The following SHPRH variants were observed in gnomAD, a reference collection of about 807,000 sequenced individuals.
The protein encoded by SHPRH is E3 ubiquitin-protein ligase SHPRH.
A neutral mutation model predicts 202.5 loss-of-function variants in SHPRH; 106 were observed. That is an observed-to-expected ratio of 0.52 (90% confidence interval 0.45 to 0.62). The LOEUF (loss-of-function observed/expected upper bound fraction) is 0.62. Among genes scored for constraint, SHPRH ranks in the 20% least tolerant of loss-of-function variants. The pLI is 0.00. For synonymous variants in SHPRH, 729 were observed against 686.0 expected, an observed-to-expected ratio of 1.06 and a Z score of -0.98; for missense variants, 1,710 against 2,020.0, an observed-to-expected ratio of 0.85 and a Z score of 2.94.
rs747973532 is a variant in SHPRH at position 145,943,379 on chromosome 6, G to C, written c.2002C>G (p.Gln668Glu). The change falls in exon 9 of 30, where the codon CAG (glutamine) becomes GAG (glutamate). Residue 668 changes from glutamine to glutamate, a missense_variant. Physicochemically the swap from Gln to Glu is conservative, Grantham distance 29 (BLOSUM62 2). Around this residue, in one of 8 missense-constraint regions of SHPRH, gnomAD observed 348 missense variants for 356.9 expected, o/e 0.97. Coordinates refer to ENST00000275233, the MANE Select transcript of SHPRH (RefSeq NM_001042683.3). ...RFECICGELD[Q>E]IDRKPRVQCL... Reference sequence around the variant, plus strand: ...TGAACACGAGGCTTACGATCTATCTGATCAAGTTCACCACATATACACTCA... The same window carrying C: ...TGAACACGAGGCTTACGATCTATCTCATCAAGTTCACCACATATACACTCA... The C allele has an allele frequency of 1.9e-6, 3 of 1,614,024 alleles. No individual in the cohort carries two copies. The highest frequency in any genetic ancestry group is 1.1e-5 in the South Asian group (1 of 91,080).
chr6:145,898,565 TG>T (rs1158354050), intron 25 of SHPRH, among the ~76,000 whole-genome samples: 1 of 152,076 alleles, frequency 6.6e-6, no homozygotes, highest in Non-Finnish European at 1.5e-5. Flanking sequence ...TTCTGAGTCA[TG>T]GGGGTGGATC....
chr6:145,921,457 T>C (rs1485649938), intron 20 of SHPRH, 65 bp from the exon 21 acceptor site: 15 of 1,449,876 alleles, frequency 1.0e-5, no homozygotes, highest in Non-Finnish European at 1.4e-5. Context: ...ACCTTCAATG[T>C]GAGTTCTAAA....
chr6:145,959,706 A>G (rs1788894292), intron 1 of SHPRH, among the ~76,000 whole-genome samples: 2 of 152,366 alleles, frequency 1.3e-5, no homozygotes, highest in African/African-American at 4.8e-5. Flanking sequence ...GAGCATTCAC[A>G]TAATTGCAAA....
At chr6:145,882,091 C>CAAAA (rs767137504), downstream of SHPRH, among the ~76,000 whole-genome samples, 7 of 106,848 alleles carry the variant, frequency 6.6e-5, no homozygotes, top group African/African-American at 2.5e-4. Context: ...GACTGTGTCT[C>CAAAA]AAAAAAAAAA....
At chr6:145,861,795 A>C (rs974301359), downstream of SHPRH, among the ~76,000 whole-genome samples, 1 of 152,216 alleles carries the variant, frequency 6.6e-6, no homozygotes, top group African/African-American at 2.4e-5. Context: ...GTAGACACAC[A>C]CACATACACA....
chr6:145,886,135 T>G lies in SHPRH; in HGVS notation c.*556A>C. 1 of 218,056 alleles carries G rather than the reference T, an allele frequency of 4.6e-6. No homozygotes were observed. The highest frequency in any genetic ancestry group is 1.7e-3 in the Middle Eastern group (1 of 604). The allele number at this position is 218,056 out of a possible 1,614,324, so 13.5% of individuals were successfully genotyped here. On this transcript the variant is annotated 3_prime_UTR_variant, in exon 30 of 30. Coordinates refer to ENST00000275233, the MANE Select transcript of SHPRH (RefSeq NM_001042683.3). ...GAAGAAACAAATAACTGTCTAACAT[T>G]AACTTATTGTAAGGAGTTGTATTAC...
At chr6:145,918,394 T>G (rs1186756708) in intron 22 of SHPRH, 162 bp from the exon 23 acceptor site, 6 of 426,214 alleles carry the variant, frequency 1.4e-5, no homozygotes, top group Non-Finnish European at 2.0e-5. Flanking sequence ...ATAATATATT[T>G]CAAATGATTT....
At position 145,946,260 on chromosome 6, in the gene SHPRH, C is replaced by T; in HGVS notation, c.1294G>A (p.Glu432Lys). ...KKTEIQNIEF[E>K]PKEKVQCPPT... is the part of the protein sequence containing the mutation. ...GGGCATTGAACTTTTTCTTTTGGTTCAAATTCGATATTCTGGATTTCTGTC... is the reference window on the plus strand; with the variant it reads ...GGGCATTGAACTTTTTCTTTTGGTTTAAATTCGATATTCTGGATTTCTGTC... The change falls in exon 7 of 30, where the codon GAA becomes AAA. Residue 432 changes from glutamate (E) to lysine (K), a missense_variant. Transcript: ENST00000275233. 1 of 1,608,660 alleles carries T rather than the reference C, an allele frequency of 6.2e-7. No individual in the cohort carries two copies. Among genetic ancestry groups the T allele is most frequent in the Non-Finnish European group, 8.5e-7 (1 of 1,177,444 alleles).
intron 20 of SHPRH, 113 bp from the exon 21 acceptor site, chr6:145,921,505 C>A: frequency 9.5e-7 from 1 of 1,051,120 alleles, no homozygotes; most frequent in South Asian, 1.7e-5. Context: ...ACCAAAGCAA[C>A]CTTGAAAAAG....
At chr6:145,919,180 G>A (rs752667952) in intron 22 of SHPRH, 168 bp downstream of exon 22, 41 of 879,504 alleles carry the variant, frequency 4.7e-5, no homozygotes, top group Non-Finnish European at 6.8e-5. Flanking sequence ...GCTCATCTTT[G>A]ACCATTTTTG....
At chr6:145,866,740 T>C (rs946026661) in intron 2 of SHPRH, among the ~76,000 whole-genome samples, 7 of 152,168 alleles carry the variant, frequency 4.6e-5, no homozygotes, top group Non-Finnish European at 2.9e-5. Flanking sequence ...AGGCCACTTA[T>C]GGAAGAGAAG....
At chr6:145,892,997 T>C (rs1336276758) in intron 28 of SHPRH, among the ~76,000 whole-genome samples, 1 of 151,950 alleles carries the variant, frequency 6.6e-6, no homozygotes, top group Non-Finnish European at 1.5e-5. Context: ...GGTTTGCTTC[T>C]TGGAGAGAAG....
chr6:145,867,086 A>G (rs1363839195), intron 2 of SHPRH, among the ~76,000 whole-genome samples: 1 of 152,196 alleles, frequency 6.6e-6, no homozygotes, highest in African/African-American at 2.4e-5. Flanking sequence ...ATGGGAAGTT[A>G]AAGCTCAAAT....
intron 22 of SHPRH, 41 bp downstream of exon 22, chr6:145,919,307 C>A (rs775185180): frequency 6.2e-7 from 1 of 1,609,510 alleles, no homozygotes; most frequent in Non-Finnish European, 8.5e-7. Flanking sequence ...TCTGTGACAT[C>A]TGCTTGCTGT....
intron 2 of SHPRH, among the ~76,000 whole-genome samples, chr6:145,867,690 CACAG>C (rs1364634652): frequency 3.1e-5 from 4 of 129,636 alleles, no homozygotes; most frequent in African/African-American, 5.9e-5. Context: ...GAAGATTTGA[CACAG>C]ACAGAAGAGA....
chr6:145,942,353 G>C (rs537967838), intron 9 of SHPRH, among the ~76,000 whole-genome samples: 3 of 152,146 alleles, frequency 2.0e-5, no homozygotes, highest in Non-Finnish European at 4.4e-5. Flanking sequence ...TAATTCTGTT[G>C]GTGGTTGTTA....
intron 26 of SHPRH, 88 bp from the exon 27 acceptor site, chr6:145,894,324 T>C: frequency 1.0e-6 from 1 of 961,658 alleles, no homozygotes; most frequent in Non-Finnish European, 1.4e-6. Flanking sequence ...CAAAATGACT[T>C]TTATACTGGA....
Position 145,947,598 on chromosome 6 carries a change from T to G in SHPRH, c.1107A>C (p.Gly369=), listed in dbSNP as rs781152282. The G allele has an allele frequency of 2.5e-6, 4 of 1,612,804 alleles. No homozygotes were observed. In the African/African-American group the frequency reaches 4.0e-5, roughly 16 times the overall value. Residue 369 remains glycine (G), a synonymous_variant, in exon 6 of 30, where the codon GGA becomes GGC. Coordinates refer to ENST00000275233, the MANE Select transcript of SHPRH (RefSeq NM_001042683.3). ...CAAGACCCATCTCATCTGCTAAAAT[T>G]CCACCAAGCAACTGCGGCCCAGAAT... ...YPNSGPQLLG[G]ILADEMGLGK...
chr6:145,918,322 G>T, intron 22 of SHPRH, 90 bp from the exon 23 acceptor site: 3 of 790,180 alleles, frequency 3.8e-6, no homozygotes, highest in Non-Finnish European at 5.4e-6. Context: ...TAATACAAAT[G>T]TATTGTTTTT....
Sources: allele counts gnomAD v4.1 joint callset (sites outside exome capture counted in the v4.1 genomes callset), GRCh38; gene constraint gnomAD v4.1.1; regional missense constraint gnomAD v4.1.1; transcripts MANE v1.5; gene names NCBI Gene and HGNC (gene_info 2026-07-23, HGNC 2026-07-21).